Variants in USP25 observed in about 807,000 individuals in gnomAD.
USP25 encodes ubiquitin specific peptidase 25, also known as ubiquitin carboxyl-terminal hydrolase 25.
USP25 carries 85 observed loss-of-function variants against 158.5 expected under a neutral mutation model. That is an observed-to-expected ratio of 0.54 (90% CI 0.45 to 0.64). The LOEUF is 0.64. USP25 is among the 30% of genes least tolerant of loss of function. USP25 has a pLI of 0.00. For missense variants in USP25, 1,242 were observed against 1,327.3 expected (o/e 0.94, Z 1.00); for synonymous variants, 464 against 460.4 (o/e 1.01, Z -0.10).
Position 15,816,137 on chromosome 21 carries a change from G to A in USP25, c.932-2561G>A, listed in dbSNP as rs1033264819. ...GCGGAGGTAACTGAATCATGGTGGG[G>A]CAGTCTTTCCTGTGCTATTCTCATG... On this transcript the variant is annotated intron_variant, in intron 9 of 25. Transcript: ENST00000400183. This position sits in a 1 kb window ranked among gnomAD's most constrained non-coding sequence, Gnocchi z 4.0. Among the ~76,000 whole-genome samples, 3 of 152,112 alleles carry A rather than the reference G, an allele frequency of 2.0e-5. No homozygotes were observed.
intron 15 of USP25, 96 bp from the exon 16 acceptor site, chr21:15,831,305 T>G: frequency 8.6e-7 from 1 of 1,168,026 alleles, no homozygotes; most frequent in Non-Finnish European, 1.2e-6. Context: ...AATGCTCTTA[T>G]GGTTTTCTCC....
intron 5 of USP25, among the ~76,000 whole-genome samples, chr21:15,796,636 G>C (rs537493263): frequency 7.3e-5 from 11 of 151,562 alleles, no homozygotes; most frequent in African/African-American, 2.7e-4. Context: ...CCTAGTTTCT[G>C]AATTATATAG....
chr21:15,859,891 T>G lies in USP25; in HGVS notation c.2548-4377T>G, dbSNP rs146195960. 2.2e-3 allele frequency among the ~76,000 whole-genome samples: 325 copies of G among 150,670 alleles called. 2 individuals carry two copies. Among genetic ancestry groups the G allele is most frequent in the African/African-American group, 7.7e-3 (317 of 41,300 alleles). ...CTTTGACTATCAAATTGTTACATTA[T>G]ATTTTATTTCTCCTACTTTATATTT... On this transcript the variant is annotated intron_variant, in intron 20 of 25. Transcript: ENST00000400183.
Position 15,818,839 on chromosome 21 carries a change from G to T in USP25, c.1073G>T (p.Gly358Val). The T allele has an allele frequency of 6.2e-7, 1 of 1,613,540 alleles. No homozygotes were observed. The highest frequency in any genetic ancestry group is 8.5e-7 in the Non-Finnish European group (1 of 1,179,650). Residue 358 changes from glycine (G) to valine (V), a missense_variant, in exon 10 of 26, where the codon GGC becomes GTC. Physicochemically the swap from Gly to Val is moderately radical, Grantham distance 109 (BLOSUM62 -3). Around this residue, in one of 3 missense-constraint regions of USP25, gnomAD observed 627 missense variants for 701.4 expected, o/e 0.89. Coordinates refer to ENST00000400183, the MANE Select transcript of USP25 (RefSeq NM_001283041.3). Reference protein sequence around the residue: ...SLHSENSGKSGQEHWFTELPP... With the variant: ...SLHSENSGKSVQEHWFTELPP... ...CATTCAGAGAATTCAGGAAAATCAG[G>T]CCAAGAGGTGAGTTTAACATTTTCA...
intron 9 of USP25, among the ~76,000 whole-genome samples, chr21:15,813,882 C>T (rs999688469): frequency 2.6e-5 from 4 of 151,866 alleles, no homozygotes; most frequent in African/African-American, 9.7e-5. Flanking sequence ...GTGGTTAAAT[C>T]CATTAGATCC....
chr21:15,783,550 A>C (rs2035089214), intron 4 of USP25, among the ~76,000 whole-genome samples: 1 of 152,210 alleles, frequency 6.6e-6, no homozygotes. Flanking sequence ...CAGAGACTGC[A>C]CAAGACAGGA....
rs138451059 is a variant in USP25 at position 15,873,490 on chromosome 21, T to C, written c.2886-913T>C. Among the ~76,000 whole-genome samples, 47 of 151,974 alleles carry C rather than the reference T, an allele frequency of 3.1e-4. No homozygotes were observed. The East Asian group carries it at 9.1e-3, about 29-fold the overall frequency. On this transcript the variant is annotated intron_variant, in intron 23 of 25. Transcript: ENST00000400183. ...TAGACTTACATTAATATAACACATA[T>C]GCCTAATTCTATCACTTCTTTTTTT...
chr21:15,859,859 A>G (rs2039338461), intron 20 of USP25, among the ~76,000 whole-genome samples: 2 of 151,308 alleles, frequency 1.3e-5, no homozygotes, highest in South Asian at 4.2e-4. Context: ...TTTTGGAAAG[A>G]AAAAGCCTTT....
intron 17 of USP25, among the ~76,000 whole-genome samples, chr21:15,837,743 G>T (rs1220407727): frequency 6.6e-6 from 1 of 152,142 alleles, no homozygotes. Context: ...TTGGAATGAA[G>T]TGTATTGCGT....
In USP25 at chr21:15,765,664, G is replaced by A. The variant is rs1320991541; in HGVS notation, c.124-333G>A. ...ATACCCATTTTGCACTCTTTCGTAT[G>A]GCAAGTTCCAGAAGACCTTTTTTAG... is the stretch of plus-strand genomic sequence containing the variant. On this transcript the variant is annotated intron_variant, in intron 2 of 25. Transcript: ENST00000400183. Among the ~76,000 whole-genome samples the A allele has an allele frequency of 2.6e-5, 4 of 151,940 alleles. 1 individual carries two copies. The highest frequency in any genetic ancestry group is 6.6e-5 in the Admixed American group (1 of 15,244).
chr21:15,762,774 T>A, intron 1 of USP25, 117 bp from the exon 2 acceptor site: 1 of 850,678 alleles, frequency 1.2e-6, no homozygotes, highest in Non-Finnish European at 1.8e-6. Context: ...TTTTTTACTC[T>A]AGTTTACTTT....
At chr21:15,732,078 G>A (rs1390643517) in intron 1 of USP25, among the ~76,000 whole-genome samples, 1 of 152,156 alleles carries the variant, frequency 6.6e-6, no homozygotes, top group Non-Finnish European at 1.5e-5. Context: ...TGGTTCAGAG[G>A]TTATGCATAA....
chr21:15,805,212 C>G lies in USP25; in HGVS notation c.734C>G (p.Ala245Gly). ...AGGAAGTATGTTGATCCATCAAGAG[C>G]AGTTGAAATTCTTAAGGATGCTTTC... ...TKRKYVDPSR[A>G]VEILKDAFKS... is the part of the protein sequence containing the mutation. The change falls in exon 7 of 26, where the codon GCA (alanine) becomes GGA (glycine). Residue 245 changes from alanine to glycine, a missense_variant. Ala to Gly is a moderately conservative substitution (Grantham distance 60). Coordinates refer to ENST00000400183, the MANE Select transcript of USP25 (RefSeq NM_001283041.3). 2 of 1,608,204 alleles carry G rather than the reference C, an allele frequency of 1.2e-6. No homozygotes were observed. Among genetic ancestry groups the G allele is most frequent in the Non-Finnish European group, 1.7e-6 (2 of 1,177,746 alleles).
At chr21:15,782,293 A>C (rs572834782) in intron 4 of USP25, among the ~76,000 whole-genome samples, 1 of 152,280 alleles carries the variant, frequency 6.6e-6, no homozygotes, top group African/African-American at 2.4e-5. Flanking sequence ...TAGCTGGCCC[A>C]GAGGTTGTCT....
intron 24 of USP25, 116 bp from the exon 25 acceptor site, chr21:15,877,680 T>G (rs896341452): frequency 7.0e-6 from 5 of 718,930 alleles, no homozygotes; most frequent in Non-Finnish European, 1.1e-5. Context: ...AAATACCGTT[T>G]GTTCTAATAC....
At chr21:15,855,830 C>T (rs576230806) in intron 20 of USP25, among the ~76,000 whole-genome samples, 6 of 152,284 alleles carry the variant, frequency 3.9e-5, no homozygotes, top group East Asian at 1.9e-4. Flanking sequence ...ACAGTCTGTC[C>T]GTACCCAAAA....
At chr21:15,801,189 G>A (rs2036116658) in intron 6 of USP25, among the ~76,000 whole-genome samples, 1 of 151,452 alleles carries the variant, frequency 6.6e-6, no homozygotes, top group South Asian at 2.1e-4. Flanking sequence ...ACCATTTATG[G>A]TCCTGGATTT....
At chr21:15,743,371 C>T (rs2032240356) in intron 1 of USP25, among the ~76,000 whole-genome samples, 1 of 152,072 alleles carries the variant, frequency 6.6e-6, no homozygotes, top group Non-Finnish European at 1.5e-5. Context: ...TAATGAGGTA[C>T]GTGGACACCA....
intron 3 of USP25, among the ~76,000 whole-genome samples, chr21:15,774,655 C>T (rs1018048491): frequency 3.3e-5 from 5 of 152,104 alleles, no homozygotes; most frequent in East Asian, 3.9e-4. Context: ...CTGGATATAT[C>T]GCAGAAGTAC....
Sources: allele counts gnomAD v4.1 joint callset (sites outside exome capture counted in the v4.1 genomes callset), GRCh38; gene constraint gnomAD v4.1.1; regional missense constraint gnomAD v4.1.1; non-coding constraint Gnocchi (gnomAD v3.1); transcripts MANE v1.5; gene names NCBI Gene and HGNC (gene_info 2026-07-23, HGNC 2026-07-21).